LARP1B: variants seen among roughly 807,000 people sequenced by gnomAD.
The protein encoded by LARP1B is La ribonucleoprotein 1B.
Under a neutral mutation model 114.2 loss-of-function variants are expected in LARP1B, and 76 were observed. That is an observed-to-expected ratio of 0.67 (90% CI 0.55 to 0.81). LARP1B has a LOEUF of 0.81. Ranked by LOEUF, LARP1B falls within the 30% of genes least tolerant of loss-of-function variation. LARP1B has a pLI of 0.00. For missense variants in LARP1B, 1,014 were observed against 1,075.8 expected, an observed-to-expected ratio of 0.94 and a Z score of 0.80; for synonymous variants, 345 against 348.0, an observed-to-expected ratio of 0.99 and a Z score of 0.10.
chr4:128,120,075 T>G (rs528399005), intron 10 of LARP1B, among the ~76,000 whole-genome samples: 7 of 152,218 alleles, frequency 4.6e-5, no homozygotes, highest in Non-Finnish European at 1.0e-4. Context: ...AACTTGTCTT[T>G]TTTTAGTAAA....
Position 128,210,148 on chromosome 4 carries a change from C to A in LARP1B, c.*95C>A. 1 of 1,571,664 alleles carries A rather than the reference C, an allele frequency of 6.4e-7. No individual in the cohort carries two copies. The highest frequency in any genetic ancestry group is 1.2e-5 in the South Asian group (1 of 84,508). On this transcript the variant is annotated 3_prime_UTR_variant, in exon 20 of 20. Transcript: ENST00000326639. The stretch of plus-strand genomic sequence containing the variant: ...TCTTTGTCCTTGAAGTCAACATTTA[C>A]ATCAGTATTTATTTGGGGAAAATCT...
rs1785237474 is a variant in LARP1B, at chr4:128,114,820, T to G, written c.1161+78T>G. 2.3e-6 allele frequency: 3 copies of G among 1,321,626 alleles called. No homozygotes were observed. The South Asian group carries it at 4.4e-5, about 19-fold the overall frequency. 81.9% of individuals were successfully genotyped at this position (1,321,626 alleles called of 1,614,324 possible). Reference sequence around the variant, plus strand: ...GTCAGTGCACTTTATGTTTGTTAGGTACATATGTAAAATTTGGAAAAGTTT... The same window carrying G: ...GTCAGTGCACTTTATGTTTGTTAGGGACATATGTAAAATTTGGAAAAGTTT... On this transcript the variant is annotated intron_variant, in intron 10 of 19. Transcript: ENST00000326639.
chr4:128,190,694 A>G (rs1305960697), intron 15 of LARP1B, among the ~76,000 whole-genome samples: 1 of 152,126 alleles, frequency 6.6e-6, no homozygotes, highest in Non-Finnish European at 1.5e-5. Flanking sequence ...CACGATTGTA[A>G]GTTTCCTGAA....
At chr4:128,221,948 G>A (rs1047563615) in intron 7 of LARP1B, among the ~76,000 whole-genome samples, 3 of 152,178 alleles carry the variant, frequency 2.0e-5, no homozygotes, top group East Asian at 1.9e-4. Flanking sequence ...TGGTGGTACA[G>A]TAAGCACTTA....
intron 11 of LARP1B, among the ~76,000 whole-genome samples, chr4:128,149,060 A>C (rs1731548500): frequency 6.6e-6 from 1 of 152,250 alleles, no homozygotes; most frequent in Non-Finnish European, 1.5e-5. Context: ...GACATTATCG[A>C]AATGTATTCA....
chr4:128,148,156 C>T (rs1731142896), intron 11 of LARP1B, among the ~76,000 whole-genome samples: 1 of 152,128 alleles, frequency 6.6e-6, no homozygotes, highest in Non-Finnish European at 1.5e-5. Flanking sequence ...TAAAGCTGGG[C>T]GCGGTGGCAC....
intron 1 of LARP1B, among the ~76,000 whole-genome samples, chr4:128,065,930 CTTGGCATCCCAAGTAG>C (rs1417142780): frequency 6.6e-6 from 1 of 152,090 alleles, no homozygotes; most frequent in Non-Finnish European, 1.5e-5. Flanking sequence ...ATTCCCCTGC[CTTGGCATCCCAAGTAG>C]TTGGGATGAC....
At chr4:128,073,247 C>G (rs938063593) in intron 1 of LARP1B, among the ~76,000 whole-genome samples, 1 of 151,444 alleles carries the variant, frequency 6.6e-6, no homozygotes, top group African/African-American at 2.4e-5. Flanking sequence ...AACCCTGTCT[C>G]TCCTAAAAAT....
At chr4:128,205,283 A>C (rs1385551891) in intron 17 of LARP1B, among the ~76,000 whole-genome samples, 2 of 152,240 alleles carry the variant, frequency 1.3e-5, no homozygotes, top group African/African-American at 4.8e-5. Flanking sequence ...CAGAATGAAG[A>C]GGTTGTAACC....
chr4:128,122,983 T>C (rs1788480020), intron 11 of LARP1B: 4 of 984,116 alleles, frequency 4.1e-6, no homozygotes, highest in East Asian at 2.3e-4. Context: ...CAGTAGAGGG[T>C]ATAATAAGGG....
In LARP1B at chr4:128,197,130, C is replaced by G. The variant is rs80147584; in HGVS notation, c.2004-2309C>G. ...TGAGTCTAGATAGTGGTGATGATTA[C>G]AGAATATTGTGATTATATTTAATGC... On this transcript the variant is annotated intron_variant, in intron 15 of 19. Transcript: ENST00000326639. 1.2e-3 allele frequency among the ~76,000 whole-genome samples: 183 copies of G among 152,156 alleles called. 2 individuals are homozygous for G. In the East Asian group the frequency reaches 0.032, roughly 26 times the overall value.
At chr4:128,151,999 G>A (rs1371898407) in intron 11 of LARP1B, among the ~76,000 whole-genome samples, 5 of 152,158 alleles carry the variant, frequency 3.3e-5, no homozygotes, top group Non-Finnish European at 7.3e-5. Context: ...AAAATTTGAT[G>A]TGGTTAGAAT....
intron 7 of LARP1B, among the ~76,000 whole-genome samples, chr4:128,097,245 A>C (rs558956179): frequency 6.6e-6 from 1 of 152,172 alleles, no homozygotes; most frequent in East Asian, 1.9e-4. Context: ...AGCATGGAGA[A>C]CTTGAATCGT....
chr4:128,123,671 G>A, intron 11 of LARP1B: 1 of 815,452 alleles, frequency 1.2e-6, no homozygotes, highest in Non-Finnish European at 1.5e-6. Flanking sequence ...ATTCATGTTT[G>A]TGGGTAAATA....
intron 5 of LARP1B, among the ~76,000 whole-genome samples, chr4:128,084,054 TC>T (rs1244072897): frequency 6.6e-6 from 1 of 151,774 alleles, no homozygotes; most frequent in African/African-American, 2.4e-5. Context: ...GCTCCTCACT[TC>T]CCAGATGGGA....
chr4:128,200,673 ATTTTC>A lies in LARP1B; in HGVS notation c.2309+13_2309+17del, dbSNP rs764255421. On this transcript the variant is annotated intron_variant, in intron 17 of 19. Transcript: ENST00000326639. ...TGCAAAAGAAAATTACAGGTCAGAT[ATTTTC>A]TTTTACACTTCAAGGGAGTTTTATT... 3 of 1,560,562 alleles carry A rather than the reference ATTTTC, an allele frequency of 1.9e-6. No homozygotes were observed. Among genetic ancestry groups the A allele is most frequent in the South Asian group, 2.4e-5 (2 of 82,678 alleles).
At chr4:128,123,667 G>A in intron 11 of LARP1B, 1 of 797,444 alleles carries the variant, frequency 1.3e-6, no homozygotes, top group Non-Finnish European at 1.5e-6. Context: ...TTCAATTCAT[G>A]TTTGTGGGTA....
At chr4:128,182,433 C>T (rs867126522) in intron 15 of LARP1B, among the ~76,000 whole-genome samples, 64 of 152,154 alleles carry the variant, frequency 4.2e-4, no homozygotes, top group African/African-American at 1.5e-3. Context: ...TTATGGTGAT[C>T]TGTGATTAGT....
intron 3 of LARP1B, 102 bp from the exon 4 acceptor site, chr4:128,077,686 C>T: frequency 1.6e-6 from 2 of 1,233,966 alleles, no homozygotes; most frequent in Non-Finnish European, 2.2e-6. Flanking sequence ...CAGTTTTTGT[C>T]ATTTGTTTTG....
Sources: gnomAD v4.1 joint callset for allele counts (sites outside exome capture counted in the v4.1 genomes callset) on GRCh38, gnomAD v4.1.1 for gene constraint, MANE v1.5 for transcripts, NCBI Gene and HGNC (gene_info 2026-07-23, HGNC 2026-07-21) for gene names.